RTF1: variants seen among roughly 807,000 people sequenced by gnomAD.
RTF1 encodes RNA polymerase-associated protein RTF1 homolog.
RTF1 carries 10 observed loss-of-function variants against 95.7 expected under a neutral mutation model. The observed-to-expected ratio is 0.10, with a 90% CI of 0.06 to 0.18. The LOEUF (loss-of-function observed/expected upper bound fraction) is 0.18, where lower values mean the gene tolerates loss of function less well. Among genes scored for constraint, RTF1 ranks in the 10% least tolerant of loss-of-function variants. The pLI is 1.00. For missense variants in RTF1, 458 were observed against 875.6 expected (o/e 0.52, Z 6.02); for synonymous variants, 305 against 311.8 (o/e 0.98, Z 0.23).
chr15:41,464,713 G>T (rs1215618778), intron 4 of RTF1, 58 bp from the exon 5 acceptor site: 73 of 1,408,636 alleles, frequency 5.2e-5, no homozygotes, highest in Admixed American at 2.3e-5. Flanking sequence ...CTATCTAATA[G>T]AAATCAGTTT....
rs1032784796 is a variant in RTF1, at chr15:41,466,206, C to T, written c.843C>T (p.Ala281=). 1.3e-6 allele frequency: 2 copies of T among 1,593,556 alleles called. No individual in the cohort carries two copies. The highest frequency in any genetic ancestry group is 1.3e-5 in the African/African-American group (1 of 74,620). Residue 281 remains alanine, a synonymous_variant, in exon 6 of 18, where the codon GCC becomes GCT. Coordinates refer to ENST00000389629, the MANE Select transcript of RTF1 (RefSeq NM_015138.5). The part of the protein sequence containing the change: ...RDEKLDKKSQ[A]MEELKAEREK... ...AGAAACTAGACAAGAAATCTCAAGC[C>T]ATGGAGGAGCTAAAAGCAGAGCGAG...
chr15:41,472,276 GGC>G (rs1348338893), intron 8 of RTF1, among the ~76,000 whole-genome samples: 1 of 151,358 alleles, frequency 6.6e-6, no homozygotes, highest in Admixed American at 6.6e-5. Context: ...GCACGATCTT[GGC>G]TCACTGCAAC....
At chr15:41,420,508 G>A (rs558499415) in intron 1 of RTF1, among the ~76,000 whole-genome samples, 1 of 152,098 alleles carries the variant, frequency 6.6e-6, no homozygotes, top group Non-Finnish European at 1.5e-5. Context: ...CTGGTTCTGA[G>A]TCTTCACTGG....
At chr15:41,480,549 C>T (rs1436510450) in intron 17 of RTF1, 32 bp from the exon 18 acceptor site, 33 of 1,526,508 alleles carry the variant, frequency 2.2e-5, no homozygotes, top group Non-Finnish European at 2.8e-5. Context: ...TTTGTGGGAC[C>T]TCAGCTGCCA....
At chr15:41,469,829 G>C (rs912434393) in intron 6 of RTF1, among the ~76,000 whole-genome samples, 2 of 152,164 alleles carry the variant, frequency 1.3e-5, no homozygotes, top group East Asian at 3.9e-4. Context: ...CCGTCCCCAC[G>C]TTCCTTTTTT....
chr15:41,467,679 C>T (rs183041420), intron 6 of RTF1, among the ~76,000 whole-genome samples: 17 of 151,874 alleles, frequency 1.1e-4, no homozygotes, highest in South Asian at 2.1e-4. Flanking sequence ...TCCGCCACTG[C>T]GCTCCAGCCT....
chr15:41,441,899 T>C (rs1219467489), intron 2 of RTF1, among the ~76,000 whole-genome samples: 3 of 152,214 alleles, frequency 2.0e-5, no homozygotes, highest in Non-Finnish European at 2.9e-5. Flanking sequence ...TGCCTGTTTT[T>C]CTGTTTCCAT....
At chr15:41,478,480 T>G in intron 14 of RTF1, 68 bp from the exon 15 acceptor site, 4 of 1,121,228 alleles carry the variant, frequency 3.6e-6, no homozygotes, top group South Asian at 1.3e-5. Flanking sequence ...CTTATTTGCC[T>G]GTGAGCTTAT....
In RTF1 at chr15:41,477,630, G is replaced by A. The variant is rs926895259; in HGVS notation, c.1740+115G>A. The A allele has an allele frequency of 3.9e-5, 33 of 854,956 alleles. No homozygotes were observed. In the Admixed American group the frequency reaches 4.9e-4, roughly 13 times the overall value. 53.0% of individuals were successfully genotyped at this position (854,956 alleles called of 1,614,324 possible). On this transcript the variant is annotated intron_variant, in intron 14 of 17. Coordinates refer to ENST00000389629, the MANE Select transcript of RTF1 (RefSeq NM_015138.5). Reference sequence around the variant, plus strand: ...TATTGAAATAACGTAGGCACTTAACGTATACACACTCTCTCTGTATGTCCA... The same window carrying A: ...TATTGAAATAACGTAGGCACTTAACATATACACACTCTCTCTGTATGTCCA...
chr15:41,437,588 C>A (rs1331102420), intron 1 of RTF1, among the ~76,000 whole-genome samples: 3 of 152,030 alleles, frequency 2.0e-5, no homozygotes, highest in South Asian at 2.1e-4. Context: ...GAGCAAGTAA[C>A]CTTTTGTTGC....
At chr15:41,454,845 TA>T (rs538237650) in intron 3 of RTF1, among the ~76,000 whole-genome samples, 34 of 152,244 alleles carry the variant, frequency 2.2e-4, no homozygotes, top group Non-Finnish European at 4.3e-4. Context: ...AAGTCATGTT[TA>T]AAATTTAGTT....
intron 2 of RTF1, among the ~76,000 whole-genome samples, chr15:41,442,584 T>G (rs1467710333): frequency 6.6e-6 from 1 of 152,020 alleles, no homozygotes; most frequent in Admixed American, 6.6e-5. Flanking sequence ...GAAATTTGGT[T>G]GTTAAAGTGG....
At chr15:41,441,839 T>G (rs2050737542) in intron 2 of RTF1, among the ~76,000 whole-genome samples, 2 of 152,148 alleles carry the variant, frequency 1.3e-5, no homozygotes, top group South Asian at 4.1e-4. Flanking sequence ...TCTACTCCAG[T>G]CCCTCTCTCA....
At chr15:41,466,855 G>A (rs191113751) in intron 6 of RTF1, among the ~76,000 whole-genome samples, 195 of 152,270 alleles carry the variant, frequency 1.3e-3, no homozygotes, top group African/African-American at 4.5e-3. Context: ...TCACATTGCT[G>A]ACTACATCTC....
At chr15:41,452,728 T>C (rs1369863970) in intron 2 of RTF1, among the ~76,000 whole-genome samples, 173 bp from the exon 3 acceptor site, 1 of 152,026 alleles carries the variant, frequency 6.6e-6, no homozygotes, top group East Asian at 1.9e-4. Flanking sequence ...AATGAGACCC[T>C]GTTTCAAAAA....
chr15:41,458,578 C>T (rs941640286), intron 4 of RTF1, among the ~76,000 whole-genome samples: 1 of 151,332 alleles, frequency 6.6e-6, no homozygotes, highest in Non-Finnish European at 1.5e-5. Context: ...GAAAACCCAT[C>T]TCTACTAAAA....
At chr15:41,442,914 G>A (rs1486475585) in intron 2 of RTF1, among the ~76,000 whole-genome samples, 2 of 152,142 alleles carry the variant, frequency 1.3e-5, no homozygotes, top group Middle Eastern at 3.4e-3. Context: ...AAATAAAGTG[G>A]CAATTTTCCA....
chr15:41,451,344 C>G (rs986492008), intron 2 of RTF1, among the ~76,000 whole-genome samples: 71 of 152,226 alleles, frequency 4.7e-4, no homozygotes, highest in African/African-American at 1.6e-3. Flanking sequence ...TTTAAGTTGG[C>G]AAGTTAAAAT....
chr15:41,417,626 C>T (rs1595419962), intron 1 of RTF1, among the ~76,000 whole-genome samples: 1 of 152,198 alleles, frequency 6.6e-6, no homozygotes, highest in African/African-American at 2.4e-5. Flanking sequence ...GGGCGGCGGG[C>T]TGTAGTCCAG....
Sources: allele counts gnomAD v4.1 joint callset (sites outside exome capture counted in the v4.1 genomes callset), GRCh38; gene constraint gnomAD v4.1.1; transcripts MANE v1.5; gene names NCBI Gene and HGNC (gene_info 2026-07-23, HGNC 2026-07-21).